Variants in PATJ observed in about 807,000 individuals in gnomAD.
PATJ encodes the protein PATJ crumbs cell polarity complex component.
Under a neutral mutation model 224.9 loss-of-function variants are expected in PATJ, and 190 were observed. That is an observed-to-expected ratio of 0.84 (90% CI 0.75 to 0.95). The LOEUF (loss-of-function observed/expected upper bound fraction) is 0.95, where lower values mean the gene tolerates loss of function less well. PATJ is among the 40% of genes least tolerant of loss of function. The probability of loss-of-function intolerance (pLI) is 0.00; values close to 1 mark genes in which losing one functional copy is unlikely to be tolerated. For synonymous variants in PATJ, 769 were observed against 820.3 expected (o/e 0.94, Z 1.07); for missense variants, 2,121 against 2,270.3 (o/e 0.93, Z 1.34).
At chr1:62,083,094 T>C (rs543119666) in intron 32 of PATJ, among the ~76,000 whole-genome samples, 1 of 152,254 alleles carries the variant, frequency 6.6e-6, no homozygotes, top group South Asian at 2.1e-4. Context: ...CTCTTGAAAC[T>C]ATTCAACATT....
At chr1:61,968,707 C>T (rs144606507) in intron 27 of PATJ, among the ~76,000 whole-genome samples, 1,810 of 152,080 alleles carry the variant, frequency 0.012, 39 homozygotes, top group African/African-American at 0.041. Context: ...TATCCCTCCC[C>T]GCTCCCACCA....
intron 21 of PATJ, among the ~76,000 whole-genome samples, chr1:61,880,290 G>A (rs916601215): frequency 3.3e-5 from 5 of 152,288 alleles, no homozygotes; most frequent in South Asian, 2.1e-4. Flanking sequence ...TATCTCTAAT[G>A]CCTAGAATAG....
chr1:61,856,658 G>A (rs1183091719), intron 18 of PATJ, among the ~76,000 whole-genome samples: 2 of 152,074 alleles, frequency 1.3e-5, no homozygotes, highest in African/African-American at 4.8e-5. Context: ...GCACGATCTT[G>A]GCTCACTGCA....
chr1:61,955,896 G>T lies in PATJ; in HGVS notation c.3670+28067G>T, dbSNP rs74076842. On this transcript the variant is annotated intron_variant, in intron 27 of 43. Transcript: ENST00000642238. ...GCTATTCTCTTTTTTGGTAATTCAT[G>T]TTGTACATCCACTCATTGGACAAAG... Among the ~76,000 whole-genome samples the T allele has an allele frequency of 2.8e-3, 425 of 152,254 alleles. 1 individual carries two copies. The highest frequency in any genetic ancestry group is 9.7e-3 in the African/African-American group (404 of 41,546).
intron 20 of PATJ, among the ~76,000 whole-genome samples, chr1:61,871,463 ATATG>A (rs1666490662): frequency 2.1e-5 from 3 of 142,456 alleles, no homozygotes; most frequent in Admixed American, 1.4e-4. Context: ...ATGCGTATAT[ATATG>A]TATATACATA....
At chr1:61,770,727 T>C (rs1570382356) in intron 5 of PATJ, among the ~76,000 whole-genome samples, 1 of 151,856 alleles carries the variant, frequency 6.6e-6, no homozygotes, top group Non-Finnish European at 1.5e-5. Flanking sequence ...CTGGGTAACA[T>C]AGCAAAACCC....
At chr1:61,919,032 G>A (rs1031600899) in intron 26 of PATJ, among the ~76,000 whole-genome samples, 11 of 151,744 alleles carry the variant, frequency 7.2e-5, no homozygotes, top group Non-Finnish European at 1.0e-4. Context: ...AATAAAATTG[G>A]TAATTATTTG....
At chr1:62,089,635 A>G (rs1660466000) in intron 33 of PATJ, among the ~76,000 whole-genome samples, 1 of 152,028 alleles carries the variant, frequency 6.6e-6, no homozygotes, top group African/African-American at 2.4e-5. Flanking sequence ...TAACAAATAA[A>G]GCTATTATTT....
At chr1:62,006,156 C>T (rs939779573) in intron 28 of PATJ, among the ~76,000 whole-genome samples, 6 of 152,032 alleles carry the variant, frequency 3.9e-5, no homozygotes, top group Non-Finnish European at 8.8e-5. Context: ...CTCTGTCGCC[C>T]CAGGCTGGAG....
intron 13 of PATJ, among the ~76,000 whole-genome samples, chr1:61,807,321 C>G (rs546789381): frequency 2.2e-4 from 33 of 152,214 alleles, no homozygotes; most frequent in African/African-American, 7.5e-4. Context: ...GAACTACAAG[C>G]ATGAGCCACC....
chr1:62,049,686 A>T, intron 30 of PATJ, among the ~76,000 whole-genome samples: 1 of 152,212 alleles, frequency 6.6e-6, no homozygotes, highest in South Asian at 2.1e-4. Flanking sequence ...AATGTGTTTT[A>T]GATTTTTAGT....
intron 28 of PATJ, among the ~76,000 whole-genome samples, chr1:61,999,198 A>G (rs1054889945): frequency 8.6e-5 from 13 of 152,034 alleles, no homozygotes; most frequent in African/African-American, 2.9e-4. Context: ...ATTTTCCCCC[A>G]TGTCTTCCAT....
At chr1:61,776,513 ATTAATT>A (rs925131269) in intron 7 of PATJ, among the ~76,000 whole-genome samples, 4 of 152,212 alleles carry the variant, frequency 2.6e-5, no homozygotes, top group Non-Finnish European at 5.9e-5. Context: ...CAGTAAAATG[ATTAATT>A]TTAGTAAATT....
chr1:62,159,303 A>G (rs1282855269), intron 43 of PATJ, among the ~76,000 whole-genome samples: 1 of 151,954 alleles, frequency 6.6e-6, no homozygotes, highest in East Asian at 1.9e-4. Context: ...GTGATTCTCC[A>G]GCCTCAGCCT....
chr1:62,150,397 C>G lies in PATJ; in HGVS notation c.5378+2007C>G, dbSNP rs1006731985. On this transcript the variant is annotated intron_variant, in intron 42 of 43. Coordinates refer to ENST00000642238, the MANE Select transcript of PATJ (RefSeq NM_001350145.3). ...ATAAATCCATAGTTATAAAAGATAA[C>G]TGTAGGAGAGCTAAATTCATTGAGA... 2.6e-5 allele frequency among the ~76,000 whole-genome samples: 4 copies of G among 152,028 alleles called. No individual in the cohort carries two copies. The East Asian group carries it at 5.8e-4, about 22-fold the overall frequency.
At chr1:61,819,783 G>C (rs1656888487) in intron 14 of PATJ, among the ~76,000 whole-genome samples, 1 of 152,244 alleles carries the variant, frequency 6.6e-6, no homozygotes, top group East Asian at 1.9e-4. Flanking sequence ...TTCTCTGTAG[G>C]AGTAAGACTG....
At chr1:61,768,472 A>AAATAAATAAATAAATAAAT (rs1557608338) in intron 4 of PATJ, among the ~76,000 whole-genome samples, 24 of 149,306 alleles carry the variant, frequency 1.6e-4, no homozygotes, top group African/African-American at 5.9e-4. Context: ...TCCGTCTCAA[A>AAATAAATAAATAAATAAAT]AAATAAATAA....
rs995789891 is a variant in PATJ, at chr1:61,972,361, G to A, written c.3671-17807G>A. On this transcript the variant is annotated intron_variant, in intron 27 of 43. Transcript: ENST00000642238. ...TTTCTAATTTTGGATTTTCAGATTA[G>A]GAATGCTCAACTTGTATTAAACAAT... Among the ~76,000 whole-genome samples, 7 of 152,076 alleles carry A rather than the reference G, an allele frequency of 4.6e-5. No homozygotes were observed. In the East Asian group the frequency reaches 1.2e-3, roughly 25 times the overall value.
At chr1:61,980,811 G>A (rs1644413443) in intron 27 of PATJ, among the ~76,000 whole-genome samples, 1 of 152,076 alleles carries the variant, frequency 6.6e-6, no homozygotes, top group Admixed American at 6.5e-5. Flanking sequence ...GCCATGCACA[G>A]GAGGAGTGCT....
Sources: allele counts gnomAD v4.1 joint callset (sites outside exome capture counted in the v4.1 genomes callset), GRCh38; gene constraint gnomAD v4.1.1; transcripts MANE v1.5; gene names NCBI Gene and HGNC (gene_info 2026-07-23, HGNC 2026-07-21).